Variants in DMD observed in about 807,000 individuals in gnomAD.
The protein encoded by DMD is mutant dystrophin.
In DMD, 63 loss-of-function variants were observed where a neutral mutation model predicts 330.1. The ratio of observed to expected loss-of-function variants is 0.19; its 90% confidence interval spans 0.16 to 0.24. DMD has a LOEUF of 0.24. Among genes scored for constraint, DMD ranks in the 10% least tolerant of loss-of-function variants. DMD has a pLI of 1.00. For missense variants in DMD, 3,344 were observed against 2,684.1 expected (o/e 1.25, Z -5.43); for synonymous variants, 1,223 against 959.8 (o/e 1.27, Z -5.07).
chrX:32,780,940 A>T (rs900949288), intron 7 of DMD, among the ~76,000 whole-genome samples: 4 of 107,395 alleles, frequency 3.7e-5, no homozygotes, highest in Admixed American at 1.0e-4. Context: ...AAATAAAAAA[A>T]AAATAAAAAA....
chrX:33,317,374 A>G (rs1477035612), intron 1 of DMD, among the ~76,000 whole-genome samples: 1 of 111,809 alleles, frequency 8.9e-6, no homozygotes, highest in Non-Finnish European at 1.9e-5. Flanking sequence ...AAACACTACA[A>G]TATATTTCTG....
chrX:31,217,784 A>G (rs749217495), intron 64 of DMD, among the ~76,000 whole-genome samples: 3 of 112,315 alleles, frequency 2.7e-5, no homozygotes, highest in East Asian at 5.6e-4. Flanking sequence ...TGAACTCTTC[A>G]TTCTATAGTT....
chrX:31,939,961 T>C (rs1013154063), intron 45 of DMD, among the ~76,000 whole-genome samples: 1 of 111,569 alleles, frequency 9.0e-6, no homozygotes, highest in African/African-American at 3.3e-5. Flanking sequence ...TACTTCTAGG[T>C]GAAGCATATA....
intron 1 of DMD, among the ~76,000 whole-genome samples, chrX:33,179,730 G>A (rs1473181446): frequency 1.8e-5 from 2 of 109,366 alleles, no homozygotes; most frequent in African/African-American, 6.6e-5. Context: ...TTGAATGAAA[G>A]TTCATTGATA....
At chrX:32,557,020 A>G (rs1472148345) in intron 16 of DMD, among the ~76,000 whole-genome samples, 1 of 111,978 alleles carries the variant, frequency 8.9e-6, no homozygotes, top group Non-Finnish European at 1.9e-5. Flanking sequence ...TGAATTGATT[A>G]TCTTATTCAA....
chrX:31,942,165 C>A (rs898403026), intron 45 of DMD, among the ~76,000 whole-genome samples: 1 of 111,840 alleles, frequency 8.9e-6, no homozygotes, highest in African/African-American at 3.3e-5. Flanking sequence ...TAAGCATTCC[C>A]TTTTCTCTGA....
At chrX:31,462,485 T>C (rs2066594960) in intron 59 of DMD, among the ~76,000 whole-genome samples, 2 of 110,919 alleles carry the variant, frequency 1.8e-5, no homozygotes, top group Admixed American at 9.6e-5. Context: ...AAAAATAAAA[T>C]AAAATAAAGA....
At chrX:31,735,895 A>C (rs2086837680) in intron 51 of DMD, among the ~76,000 whole-genome samples, 1 of 112,081 alleles carries the variant, frequency 8.9e-6, no homozygotes, top group Admixed American at 9.5e-5. Flanking sequence ...CTCAACCAGG[A>C]CCAGCTTCTT....
intron 21 of DMD, among the ~76,000 whole-genome samples, chrX:32,473,334 A>T (rs1341954417): frequency 9.0e-6 from 1 of 111,687 alleles, no homozygotes; most frequent in Admixed American, 9.6e-5. Flanking sequence ...ATGGAGACAC[A>T]AAAAGATAGA....
At chrX:32,479,655 T>G (rs2041627184) in intron 21 of DMD, among the ~76,000 whole-genome samples, 1 of 109,776 alleles carries the variant, frequency 9.1e-6, no homozygotes, top group African/African-American at 3.3e-5. Context: ...TGCATATATA[T>G]ATCATATATA....
intron 2 of DMD, among the ~76,000 whole-genome samples, chrX:32,919,017 A>AT (rs2088122067): frequency 8.9e-6 from 1 of 112,256 alleles, no homozygotes; most frequent in South Asian, 3.7e-4. Flanking sequence ...GGGAAACAGC[A>AT]TTCCAGGTCT....
intron 44 of DMD, among the ~76,000 whole-genome samples, chrX:32,173,660 C>T (rs746463638): frequency 4.5e-5 from 5 of 111,460 alleles, no homozygotes; most frequent in African/African-American, 1.3e-4. Context: ...TGTGAGCCAC[C>T]GCAACCAGCC....
chrX:31,227,070 C>A, intron 63 of DMD, among the ~76,000 whole-genome samples: 1 of 111,181 alleles, frequency 9.0e-6, no homozygotes, highest in East Asian at 2.8e-4. Context: ...TTCTCCACTG[C>A]CTCGTAACTC....
intron 20 of DMD, among the ~76,000 whole-genome samples, chrX:32,491,018 TA>T (rs1407442091): frequency 2.7e-5 from 3 of 112,420 alleles, no homozygotes; most frequent in Non-Finnish European, 3.8e-5. Context: ...TCCACACTCC[TA>T]AACTGCCTCA....
At chrX:32,706,529 A>G (rs1016932866) in intron 7 of DMD, among the ~76,000 whole-genome samples, 1 of 109,936 alleles carries the variant, frequency 9.1e-6, no homozygotes, top group Non-Finnish European at 1.9e-5. Flanking sequence ...GGGCCACTGC[A>G]CTCCACCCTG....
intron 25 of DMD, among the ~76,000 whole-genome samples, chrX:32,460,093 A>T (rs1328031636): frequency 9.2e-6 from 1 of 108,850 alleles, no homozygotes; most frequent in African/African-American, 3.5e-5. Context: ...CCAAAAGAAG[A>T]AAAAAATGGC....
chrX:31,271,491 G>C (rs1887957679), intron 62 of DMD, among the ~76,000 whole-genome samples: 1 of 111,084 alleles, frequency 9.0e-6, no homozygotes, highest in Non-Finnish European at 1.9e-5. Context: ...CCTGATGCTA[G>C]CTGTGTAAAA....
chrX:31,809,367 T>C (rs764679231), intron 50 of DMD, among the ~76,000 whole-genome samples: 52 of 109,271 alleles, frequency 4.8e-4, no homozygotes, highest in African/African-American at 1.6e-3. Flanking sequence ...GTTTTTAATA[T>C]TGGAGAACAA....
intron 52 of DMD, among the ~76,000 whole-genome samples, chrX:31,680,150 G>A (rs1045715439): frequency 7.2e-5 from 8 of 111,541 alleles, no homozygotes; most frequent in African/African-American, 2.6e-4. Context: ...ATTTTACAAG[G>A]GTTCCAGAGT....
Sources: gnomAD v4.1 joint callset for allele counts (sites outside exome capture counted in the v4.1 genomes callset) on GRCh38, gnomAD v4.1.1 for gene constraint, MANE v1.5 for transcripts, NCBI Gene and HGNC (gene_info 2026-07-23, HGNC 2026-07-21) for gene names.